Variants in SASH1 observed in about 807,000 individuals in gnomAD.
SASH1 encodes the protein SAM and SH3 domain-containing protein 1.
SASH1 carries 44 observed loss-of-function variants against 125.2 expected under a neutral mutation model. The observed-to-expected ratio is 0.35, with a 90% CI of 0.28 to 0.45. SASH1 has a LOEUF of 0.45. Ranked by LOEUF, SASH1 falls within the 20% of genes least tolerant of loss-of-function variation. The probability of loss-of-function intolerance (pLI) is 1.00; values close to 1 mark genes in which losing one functional copy is unlikely to be tolerated. For missense variants in SASH1, 1,426 were observed against 1,614.5 expected, an observed-to-expected ratio of 0.88 and a Z score of 2.00; for synonymous variants, 639 against 649.1, an observed-to-expected ratio of 0.98 and a Z score of 0.24.
At position 148,533,960 on chromosome 6, in the gene SASH1, C is replaced by T. The variant is rs1401002677; in HGVS notation, c.1924C>T (p.Leu642=). The T allele has an allele frequency of 6.2e-7, 1 of 1,613,810 alleles. No individual in the cohort carries two copies. Among genetic ancestry groups the T allele is most frequent in the South Asian group, 1.1e-5 (1 of 91,066 alleles). The part of the protein sequence containing the change: ...PPQPKSVEDL[L]DRINLKEHMP... ...CCAGCCCAAGTCTGTGGAGGATCTCCTGGATCGGATTAACCTAAAAGTCAG... is the reference window on the plus strand; with the variant it reads ...CCAGCCCAAGTCTGTGGAGGATCTCTTGGATCGGATTAACCTAAAAGTCAG... Residue 642 remains leucine, a synonymous_variant, in exon 15 of 20, where the codon CTG becomes TTG. Transcript: ENST00000367467. This position sits in a 1 kb window ranked among gnomAD's most constrained non-coding sequence, Gnocchi z 6.2.
At chr6:148,514,766 A>AAAC (rs1313864394) in intron 9 of SASH1, among the ~76,000 whole-genome samples, 29 of 152,338 alleles carry the variant, frequency 1.9e-4, no homozygotes, top group African/African-American at 6.7e-4. Context: ...CATTTTATAT[A>AAAC]AACTTTCTAA....
chr6:148,396,478 G>GAAA (rs61277112), intron 2 of SASH1, among the ~76,000 whole-genome samples: 2,332 of 63,274 alleles, frequency 0.037, no homozygotes, highest in East Asian at 0.041. Context: ...CTGCATCTCA[G>GAAA]AAAAAAAAAA....
At chr6:148,539,284 A>AT (rs1476609133) in intron 16 of SASH1, among the ~76,000 whole-genome samples, 4 of 151,648 alleles carry the variant, frequency 2.6e-5, no homozygotes, top group Non-Finnish European at 4.4e-5. Flanking sequence ...GAATTCTGAG[A>AT]TTTTAGTGCA....
At chr6:148,371,470 G>A (rs936779539) in intron 1 of SASH1, among the ~76,000 whole-genome samples, 1 of 150,148 alleles carries the variant, frequency 6.7e-6, no homozygotes, top group Non-Finnish European at 1.5e-5. Flanking sequence ...ATTTCATCAT[G>A]TTGGCCAGGC....
chr6:148,508,898 A>G (rs1265320456), intron 8 of SASH1: 1 of 1,251,644 alleles, frequency 8.0e-7, no homozygotes, highest in South Asian at 1.2e-5. Flanking sequence ...GAATGCGTTC[A>G]ATGGGAAAGA....
At chr6:148,328,734 A>C (rs1780909321) in intron 1 of SASH1, among the ~76,000 whole-genome samples, 1 of 152,198 alleles carries the variant, frequency 6.6e-6, no homozygotes, top group Non-Finnish European at 1.5e-5. Flanking sequence ...GGTCTAAATT[A>C]AAGTAGATTT....
At chr6:148,345,553 C>T (rs1279936688) in intron 1 of SASH1, among the ~76,000 whole-genome samples, 1 of 152,154 alleles carries the variant, frequency 6.6e-6, no homozygotes, top group Non-Finnish European at 1.5e-5. Flanking sequence ...ACATGGCTTA[C>T]TGCTCCTTTG....
At chr6:148,513,618 C>T (rs1228022018) in intron 8 of SASH1, 58 of 985,538 alleles carry the variant, frequency 5.9e-5, no homozygotes, top group Non-Finnish European at 6.7e-5. Context: ...CATGCTGACT[C>T]CCTGCAAAGT....
At chr6:148,313,498 G>C (rs1027466777) in intron 1 of SASH1, among the ~76,000 whole-genome samples, 1 of 152,172 alleles carries the variant, frequency 6.6e-6, no homozygotes, top group African/African-American at 2.4e-5. Flanking sequence ...TATTCAAAAA[G>C]ATTTCTGGCA....
At chr6:148,300,291 A>C (rs953017242) in intron 1 of SASH1, among the ~76,000 whole-genome samples, 5 of 152,178 alleles carry the variant, frequency 3.3e-5, no homozygotes, top group Non-Finnish European at 7.3e-5. Flanking sequence ...GGATGTTAAA[A>C]GTTATCCACT....
At chr6:148,452,733 G>A (rs1284985410) in intron 4 of SASH1, among the ~76,000 whole-genome samples, 6 of 152,232 alleles carry the variant, frequency 3.9e-5, no homozygotes, top group Admixed American at 1.3e-4. Flanking sequence ...GTGCAGTGCT[G>A]CCCCTGGTGA....
intron 2 of SASH1, among the ~76,000 whole-genome samples, chr6:148,432,974 C>T (rs966286652): frequency 6.6e-6 from 1 of 152,182 alleles, no homozygotes; most frequent in Non-Finnish European, 1.5e-5. Flanking sequence ...TGTGTGTATA[C>T]ATACACAAGC....
chr6:148,266,691 C>G, the SASH1 span, among the ~76,000 whole-genome samples: 8 of 152,306 alleles, frequency 5.3e-5, 1 homozygote, highest in African/African-American at 1.7e-4. Context: ...GCCTCAACTT[C>G]CTGGGCTCAA....
intron 4 of SASH1, among the ~76,000 whole-genome samples, chr6:148,455,581 G>T (rs1342964246): frequency 1.3e-5 from 2 of 152,230 alleles, no homozygotes; most frequent in Non-Finnish European, 2.9e-5. Context: ...GAGTCTAGGT[G>T]TGGAGGGCGC....
the SASH1 span, among the ~76,000 whole-genome samples, chr6:148,234,552 G>C: frequency 6.6e-6 from 1 of 152,020 alleles, no homozygotes; most frequent in African/African-American, 2.4e-5. Flanking sequence ...CTGGCCGGGC[G>C]TGGTGGCTCA....
At chr6:148,445,813 C>A (rs374098905) in intron 4 of SASH1, among the ~76,000 whole-genome samples, 1 of 152,142 alleles carries the variant, frequency 6.6e-6, no homozygotes, top group Non-Finnish European at 1.5e-5. Flanking sequence ...CTCATTTCCT[C>A]GTGCAGCAGC....
intron 17 of SASH1, among the ~76,000 whole-genome samples, chr6:148,543,476 A>G (rs1782351732): frequency 6.6e-6 from 1 of 152,184 alleles, no homozygotes; most frequent in African/African-American, 2.4e-5. Flanking sequence ...CTTTAATAAG[A>G]CTAAGAATTC....
At chr6:148,348,938 C>T (rs945087780) in intron 1 of SASH1, among the ~76,000 whole-genome samples, 1 of 152,246 alleles carries the variant, frequency 6.6e-6, no homozygotes, top group Non-Finnish European at 1.5e-5. Flanking sequence ...GATCCCTTCA[C>T]TCAGGATCAG....
chr6:148,433,392 T>C (rs928244022), intron 2 of SASH1, among the ~76,000 whole-genome samples: 2 of 148,046 alleles, frequency 1.4e-5, no homozygotes, highest in African/African-American at 5.1e-5. Context: ...TATTAATACT[T>C]TTGTTTCTTT....
Sources: allele counts gnomAD v4.1 joint callset (sites outside exome capture counted in the v4.1 genomes callset), GRCh38; gene constraint gnomAD v4.1.1; non-coding constraint Gnocchi (gnomAD v3.1); transcripts MANE v1.5; gene names NCBI Gene and HGNC (gene_info 2026-07-23, HGNC 2026-07-21).